GRAMD1A: variants seen among roughly 807,000 people sequenced by gnomAD.
GRAMD1A encodes the protein protein Aster-A.
Under a neutral mutation model 92.0 loss-of-function variants are expected in GRAMD1A, and 50 were observed. That is an observed-to-expected ratio of 0.54 (90% CI 0.43 to 0.69). GRAMD1A has a LOEUF of 0.69. Ranked by LOEUF, GRAMD1A falls within the 30% of genes least tolerant of loss-of-function variation. The pLI, the probability that GRAMD1A is intolerant of heterozygous loss-of-function variation, is 0.00. For synonymous variants in GRAMD1A, 405 were observed against 403.6 expected, an observed-to-expected ratio of 1.00 and a Z score of -0.04; for missense variants, 819 against 978.9, an observed-to-expected ratio of 0.84 and a Z score of 2.18.
At chr19:35,025,997 AC>A (rs2151741690) in intron 19 of GRAMD1A, 51 bp from the exon 20 acceptor site, 16 of 902,578 alleles carry the variant, frequency 1.8e-5, no homozygotes, top group Non-Finnish European at 1.1e-5. Flanking sequence ...GGGCGACATC[AC>A]CCCCCAGCCT....
In GRAMD1A at chr19:35,011,758, G is replaced by A. The variant is rs118034656; in HGVS notation, c.606+204G>A. On this transcript the variant is annotated intron_variant, in intron 7 of 19. Transcript: ENST00000317991. ...GGGACATGAATTGGTGTAAACCGTCGTAATTCTTCCCTGGGGCTGGGAATG... is the reference window on the plus strand; with the variant it reads ...GGGACATGAATTGGTGTAAACCGTCATAATTCTTCCCTGGGGCTGGGAATG... 3.6e-3 allele frequency among the ~76,000 whole-genome samples: 549 copies of A among 152,328 alleles called. 3 individuals are homozygous for A. The highest frequency in any genetic ancestry group is 6.4e-3 in the Non-Finnish European group (434 of 68,020).
intron 1 of GRAMD1A, among the ~76,000 whole-genome samples, chr19:35,004,822 A>G (rs906699340): frequency 2.6e-5 from 4 of 152,158 alleles, no homozygotes; most frequent in African/African-American, 7.2e-5. Flanking sequence ...TAGTTAAACC[A>G]GGTGCCCTCC....
chr19:35,018,500 A>G (rs1326086619), intron 11 of GRAMD1A, among the ~76,000 whole-genome samples: 1 of 152,178 alleles, frequency 6.6e-6, no homozygotes, highest in Non-Finnish European at 1.5e-5. Flanking sequence ...ACAATTCAAC[A>G]TGAGATTTGG....
chr19:34,997,899 C>A (rs146317648), upstream of GRAMD1A, among the ~76,000 whole-genome samples: 372 of 151,996 alleles, frequency 2.4e-3, 5 homozygotes, highest in African/African-American at 8.7e-3. Flanking sequence ...GAAACCCCAT[C>A]TCTACTAAAA....
rs1009320671 is a variant in GRAMD1A at position 35,026,208 on chromosome 19, C to T, written c.*67C>T. 3.5e-6 allele frequency: 3 copies of T among 862,518 alleles called. No individual in the cohort carries two copies. The highest frequency in any genetic ancestry group is 5.0e-5 in the East Asian group (2 of 39,996). 53.4% of individuals were successfully genotyped at this position (862,518 alleles called of 1,614,324 possible). On this transcript the variant is annotated 3_prime_UTR_variant, in exon 20 of 20. Coordinates refer to ENST00000317991, the MANE Select transcript of GRAMD1A (RefSeq NM_020895.5). ...ACACACAGAGCCTCGGCGGCCACTG[C>T]TGGCACGGTGTGAGCGCCAGGCATC...
At chr19:35,022,950 C>T (rs566475520) in intron 17 of GRAMD1A, 39 bp downstream of exon 17, 2 of 1,414,152 alleles carry the variant, frequency 1.4e-6, no homozygotes, top group African/African-American at 1.4e-5. Context: ...CCCCTCCCTG[C>T]ACCCCACCCC....
chr19:35,016,125 T>C (rs938597143), intron 11 of GRAMD1A, among the ~76,000 whole-genome samples, 158 bp downstream of exon 11: 3 of 152,214 alleles, frequency 2.0e-5, no homozygotes, highest in Non-Finnish European at 2.9e-5. Flanking sequence ...TGCCACTTAC[T>C]AGCTGGGTAG....
rs1251098587 is a variant in GRAMD1A, at chr19:35,013,348, C to T, written c.699C>T (p.Pro233=). 1.3e-6 allele frequency: 2 copies of T among 1,555,070 alleles called. No homozygotes were observed. Among genetic ancestry groups the T allele is most frequent in the Non-Finnish European group, 1.7e-6 (2 of 1,147,282 alleles). The change falls in exon 8 of 20, where the codon CCC becomes CCT. Residue 233 remains proline (P), a synonymous_variant. Transcript: ENST00000317991. The surrounding 1 kb of genome is among the most constrained non-coding windows in gnomAD (Gnocchi z 4.9). The part of the protein sequence containing the change: ...LTSEDEDYVS[P]LQLNGLGTPK... ...GTGAGGATGAGGACTATGTCTCCCC[C>T]TTGCAGCTGAACGGTCTGGGGTGAG...
At position 35,011,530 on chromosome 19, in the gene GRAMD1A, C is replaced by T. The variant is rs1248200328; in HGVS notation, c.582C>T (p.Leu194=). Residue 194 remains leucine (L), a synonymous_variant, in exon 7 of 20, where the codon CTC becomes CTT. Coordinates refer to ENST00000317991, the MANE Select transcript of GRAMD1A (RefSeq NM_020895.5). ...RDRCFLLIFR[L]WQNALLEKTL... is the part of the protein sequence containing the mutation. ...GCTGCTTCCTCCTCATCTTCCGCCTCTGGCAGAATGCACTGCTTGAAAAGG... is the reference window on the plus strand; with the variant it reads ...GCTGCTTCCTCCTCATCTTCCGCCTTTGGCAGAATGCACTGCTTGAAAAGG... 1.2e-6 allele frequency: 2 copies of T among 1,611,374 alleles called. No individual in the cohort carries two copies. The highest frequency in any genetic ancestry group is 1.7e-6 in the Non-Finnish European group (2 of 1,179,588).
rs562078032 is a variant in GRAMD1A at position 35,015,770 on chromosome 19, A to G, written c.1070-54A>G. 5.7e-6 allele frequency: 9 copies of G among 1,569,638 alleles called. No homozygotes were observed. The African/African-American group carries it at 1.2e-4, about 21-fold the overall frequency. Reference sequence around the variant, plus strand: ...CTGGGAGTGGGGAGGCGTGGCCCGCAGAGGGAGGGAGGAGTGGAGGCAGTC... The same window carrying G: ...CTGGGAGTGGGGAGGCGTGGCCCGCGGAGGGAGGGAGGAGTGGAGGCAGTC... On this transcript the variant is annotated intron_variant, in intron 10 of 19. Coordinates refer to ENST00000317991, the MANE Select transcript of GRAMD1A (RefSeq NM_020895.5).
intron 13 of GRAMD1A, among the ~76,000 whole-genome samples, chr19:35,020,245 A>T (rs951558848): frequency 1.3e-5 from 2 of 152,120 alleles, no homozygotes; most frequent in African/African-American, 2.4e-5. Flanking sequence ...AATTTTTTTT[A>T]AATTAGCCAG....
chr19:35,020,493 G>T (rs1039462494), intron 13 of GRAMD1A, among the ~76,000 whole-genome samples: 8 of 151,824 alleles, frequency 5.3e-5, no homozygotes, highest in Non-Finnish European at 1.0e-4. Flanking sequence ...AGCCGAGATC[G>T]GGCCACTGCA....
At chr19:35,008,554 G>T (rs2014989231) in intron 1 of GRAMD1A, among the ~76,000 whole-genome samples, 1 of 150,976 alleles carries the variant, frequency 6.6e-6, no homozygotes, top group Non-Finnish European at 1.5e-5. Context: ...GGGCACGGTG[G>T]CTCCCACCTG....
intron 6 of GRAMD1A, 149 bp downstream of exon 6, chr19:35,010,528 C>T: frequency 4.7e-6 from 3 of 632,078 alleles, no homozygotes; most frequent in South Asian, 1.8e-5. Context: ...GCCCATCACC[C>T]CTGACCTGAT....
intron 11 of GRAMD1A, among the ~76,000 whole-genome samples, chr19:35,018,408 T>G (rs1164723674): frequency 6.6e-6 from 1 of 152,176 alleles, no homozygotes; most frequent in Non-Finnish European, 1.5e-5. Flanking sequence ...CTCACTATCA[T>G]GAAGACAGCA....
upstream of GRAMD1A, among the ~76,000 whole-genome samples, chr19:34,995,573 T>TTTC (rs1568309956): frequency 2.1e-4 from 18 of 86,160 alleles, no homozygotes; most frequent in African/African-American, 3.3e-4. Context: ...GATCACGGGT[T>TTTC]TTTTTTTTTT....
chr19:35,023,368 G>A, intron 18 of GRAMD1A, 25 bp downstream of exon 18: 1 of 1,613,898 alleles, frequency 6.2e-7, no homozygotes, highest in Non-Finnish European at 8.5e-7. Context: ...TGGGGAAATG[G>A]GGGGGCTTGG....
In GRAMD1A at chr19:35,000,470, G is replaced by T; in HGVS notation, c.-9G>T. The T allele has an allele frequency of 7.9e-7, 1 of 1,263,038 alleles. No individual in the cohort carries two copies. Among genetic ancestry groups the T allele is most frequent in the Middle Eastern group, 3.1e-4 (1 of 3,270 alleles). 78.2% of individuals were successfully genotyped at this position (1,263,038 alleles called of 1,614,324 possible). ...CCTGCGCCCGGGGCGCGCCCACCGCGCCGCATCCATGTTCGAGTAAGGACC... is the reference window on the plus strand; with the variant it reads ...CCTGCGCCCGGGGCGCGCCCACCGCTCCGCATCCATGTTCGAGTAAGGACC... On this transcript the variant is annotated 5_prime_UTR_variant, in exon 1 of 20. Coordinates refer to ENST00000317991, the MANE Select transcript of GRAMD1A (RefSeq NM_020895.5). The surrounding 1 kb of genome is among the most constrained non-coding windows in gnomAD (Gnocchi z 4.9).
intron 1 of GRAMD1A, among the ~76,000 whole-genome samples, chr19:35,001,579 G>A (rs911032719): frequency 2.6e-5 from 4 of 151,844 alleles, no homozygotes; most frequent in African/African-American, 9.7e-5. Flanking sequence ...GCCTGCATAT[G>A]CCTGTAATTT....
Sources: gnomAD v4.1 joint callset for allele counts (sites outside exome capture counted in the v4.1 genomes callset) on GRCh38, gnomAD v4.1.1 for gene constraint, Gnocchi (gnomAD v3.1) non-coding constraint, MANE v1.5 for transcripts, NCBI Gene and HGNC (gene_info 2026-07-23, HGNC 2026-07-21) for gene names.